The following DNMT1 variants were observed in gnomAD, a reference collection of about 807,000 sequenced individuals.
The protein encoded by DNMT1 is DNA (cytosine-5)-methyltransferase 1.
A neutral mutation model predicts 205.3 loss-of-function variants in DNMT1; 24 were observed. The observed-to-expected ratio is 0.12, with a 90% CI of 0.08 to 0.16. The LOEUF is 0.16. Among genes scored for constraint, DNMT1 ranks in the 10% least tolerant of loss-of-function variants. The probability of loss-of-function intolerance (pLI) is 1.00; values close to 1 mark genes in which losing one functional copy is unlikely to be tolerated. For synonymous variants in DNMT1, 817 were observed against 839.8 expected (o/e 0.97, Z 0.47); for missense variants, 1,293 against 2,177.7 (o/e 0.59, Z 8.09).
intron 37 of DNMT1, among the ~76,000 whole-genome samples, chr19:10,136,587 C>T (rs1211377130): frequency 6.6e-6 from 1 of 151,988 alleles, no homozygotes; most frequent in Non-Finnish European, 1.5e-5. Flanking sequence ...AGGCGTGCGA[C>T]ACCACGCCCG....
intron 1 of DNMT1, among the ~76,000 whole-genome samples, chr19:10,184,791 G>A (rs1259935875): frequency 2.0e-5 from 3 of 152,228 alleles, no homozygotes; most frequent in Non-Finnish European, 4.4e-5. Flanking sequence ...TTGGTGGAGA[G>A]AAGGTGCCCC....
In DNMT1 at chr19:10,151,985, C is replaced by T. The variant is rs1355476570; in HGVS notation, c.2020-138G>A. 1.3e-5 allele frequency: 10 copies of T among 757,940 alleles called. No individual in the cohort carries two copies. The highest frequency in any genetic ancestry group is 7.1e-5 in the South Asian group (5 of 70,092). 47.0% of individuals were successfully genotyped at this position (757,940 alleles called of 1,614,324 possible). A position where few individuals can be genotyped will look rare whatever the true frequency, so the allele number is the denominator to read the frequency against. On this transcript the variant is annotated intron_variant, in intron 22 of 40. Transcript: ENST00000359526. This position sits in a 1 kb window ranked among gnomAD's most constrained non-coding sequence, Gnocchi z 5.0. ...GACCAGCCTGGCCAACGTGGTGAAACCCCATCTCTACTAAAAATACAAAGA... is the reference window on the plus strand; with the variant it reads ...GACCAGCCTGGCCAACGTGGTGAAATCCCATCTCTACTAAAAATACAAAGA...
Position 10,140,113 on chromosome 19 carries a change from C to T in DNMT1, c.3739G>A (p.Gly1247Ser). Residue 1247 changes from glycine (G) to serine (S), a missense_variant, in exon 33 of 41, where the codon GGC (glycine) becomes AGC (serine). Around this residue, in one of 13 missense-constraint regions of DNMT1, gnomAD observed 38 missense variants for 141.1 expected, o/e 0.27. Transcript: ENST00000359526. This position sits in a 1 kb window ranked among gnomAD's most constrained non-coding sequence, Gnocchi z 8.4. Reference sequence around the variant, plus strand: ...GTGCGCGAATTGAAGCGGTTCATGCCGCTGAAGCCCTGGCAGGGCGGCCCG... The same window carrying T: ...GTGCGCGAATTGAAGCGGTTCATGCTGCTGAAGCCCTGGCAGGGCGGCCCG... ...CGGPPCQGFS[G>S]MNRFNSRTYS... The T allele has an allele frequency of 6.2e-7, 1 of 1,613,970 alleles. No homozygotes were observed. The highest frequency in any genetic ancestry group is 8.5e-7 in the Non-Finnish European group (1 of 1,180,036).
In DNMT1 at chr19:10,168,212, A is replaced by C. The variant is rs1045023159; in HGVS notation, c.803+118T>G. 79 of 1,172,018 alleles carry C rather than the reference A, an allele frequency of 6.7e-5. 1 individual carries two copies. The Admixed American group carries it at 1.4e-3, about 21-fold the overall frequency. 72.6% of individuals were successfully genotyped at this position (1,172,018 alleles called of 1,614,324 possible). On this transcript the variant is annotated intron_variant, in intron 10 of 40. Transcript: ENST00000359526. ...CACCTTTCACAAGCAGAACTTGCCC[A>C]CATAAGAGACATATGATTAGTGCCC...
chr19:10,189,963 T>C (rs2039268340), intron 1 of DNMT1, among the ~76,000 whole-genome samples: 1 of 151,948 alleles, frequency 6.6e-6, no homozygotes, highest in Non-Finnish European at 1.5e-5. Flanking sequence ...TTTTTATAGA[T>C]GAAACACCAA....
intron 9 of DNMT1, among the ~76,000 whole-genome samples, chr19:10,169,664 G>A (rs765804366): frequency 2.0e-5 from 3 of 152,164 alleles, no homozygotes; most frequent in Non-Finnish European, 4.4e-5. Context: ...TACTCGGGAG[G>A]CTGAGGCAGG....
Position 10,163,307 on chromosome 19 carries a change from A to G in DNMT1, c.926+19T>C. 1 of 1,613,754 alleles carries G rather than the reference A, an allele frequency of 6.2e-7. No homozygotes were observed. The highest frequency in any genetic ancestry group is 1.1e-5 in the South Asian group (1 of 91,080). On this transcript the variant is annotated intron_variant, in intron 12 of 40. Coordinates refer to ENST00000359526, the MANE Select transcript of DNMT1 (RefSeq NM_001130823.3). ...ACTGATCCAGATGACACAAAAGCAC[A>G]AGCATTTTAAACACTTACAGATCTT...
rs1388371493 is a variant in DNMT1, at chr19:10,135,810, G to T, written c.4699C>A (p.Arg1567=). The change falls in exon 39 of 41, where the codon CGG becomes AGG. Residue 1567 remains arginine (R), a synonymous_variant. Coordinates refer to ENST00000359526, the MANE Select transcript of DNMT1 (RefSeq NM_001130823.3). ...AAGCCCTGGGAGCGGGCACACTCCC[G>T]CACGCTCACCACACGGTGCTGCTCT... ...HPEQHRVVSV[R]ECARSQGFPD... 6.3e-7 allele frequency: 1 copy of T among 1,575,946 alleles called. No individual in the cohort carries two copies. Among genetic ancestry groups the T allele is most frequent in the Non-Finnish European group, 8.6e-7 (1 of 1,162,758 alleles).
chr19:10,145,345 G>A (rs908622297), intron 28 of DNMT1, among the ~76,000 whole-genome samples: 6 of 152,294 alleles, frequency 3.9e-5, no homozygotes, highest in Admixed American at 6.5e-5. Flanking sequence ...AGGGGGTAAC[G>A]CGCCCCAACT....
At chr19:10,135,361 C>T (rs904939761) in intron 39 of DNMT1, 9 of 339,716 alleles carry the variant, frequency 2.6e-5, no homozygotes, top group African/African-American at 1.9e-4. Context: ...CTGAGACTAA[C>T]TCATAGACTA....
chr19:10,140,699 C>G lies in DNMT1; in HGVS notation c.3523+82G>C. 6.2e-7 allele frequency: 1 copy of G among 1,610,102 alleles called. No individual in the cohort carries two copies. Among genetic ancestry groups the G allele is most frequent in the Non-Finnish European group, 8.5e-7 (1 of 1,177,302 alleles). On this transcript the variant is annotated intron_variant, in intron 32 of 40. Coordinates refer to ENST00000359526, the MANE Select transcript of DNMT1 (RefSeq NM_001130823.3). The surrounding 1 kb of genome is among the most constrained non-coding windows in gnomAD (Gnocchi z 8.4). ...GGAGATTCTTGAGTCAGGAAGGTGA[C>G]CGGGGTTGGAAGTCGTTTCAGGTAG...
intron 11 of DNMT1, among the ~76,000 whole-genome samples, chr19:10,164,433 G>A (rs967037226): frequency 7.9e-5 from 12 of 152,098 alleles, no homozygotes; most frequent in African/African-American, 2.2e-4. Context: ...GTGAGACACC[G>A]CGCCTGGCTT....
In DNMT1 at chr19:10,137,683, G is replaced by C. The variant is rs2089516457; in HGVS notation, c.4293+149C>G. 5 of 1,127,142 alleles carry C rather than the reference G, an allele frequency of 4.4e-6. No homozygotes were observed. Among genetic ancestry groups the C allele is most frequent in the Non-Finnish European group, 6.5e-6 (5 of 775,072 alleles). 69.8% of individuals were successfully genotyped at this position (1,127,142 alleles called of 1,614,324 possible). A position where few individuals can be genotyped will look rare whatever the true frequency, so the allele number is the denominator to read the frequency against. On this transcript the variant is annotated intron_variant, in intron 36 of 40. Transcript: ENST00000359526. This position sits in a 1 kb window ranked among gnomAD's most constrained non-coding sequence, Gnocchi z 6.4. ...ACACTTCCCATGACCATGCAAGAGA[G>C]ACCAGGGGTCACACAAAGGCTGAGG...
chr19:10,143,821 T>C lies in DNMT1; in HGVS notation c.3061A>G (p.Ser1021Gly). The C allele has an allele frequency of 6.2e-7, 1 of 1,614,180 alleles. No individual in the cohort carries two copies. The highest frequency in any genetic ancestry group is 8.5e-7 in the Non-Finnish European group (1 of 1,180,024). Residue 1021 changes from serine to glycine, a missense_variant, in exon 29 of 41, where the codon AGC becomes GGC. Transcript: ENST00000359526. ...RIKEIFCPKK[S>G]NGRPNETDIK... ...TCAGTCTCATTGGGCCTGCCGTTGCTCTTCTTGGGACAGAAGATCTCTTTG... is the reference window on the plus strand; with the variant it reads ...TCAGTCTCATTGGGCCTGCCGTTGCCCTTCTTGGGACAGAAGATCTCTTTG...
rs142923913 is a variant in DNMT1 at position 10,177,270 on chromosome 19, C to T, written c.569+22G>A. 505 of 1,612,952 alleles carry T rather than the reference C, an allele frequency of 3.1e-4. 1 individual carries two copies. The highest frequency in any genetic ancestry group is 2.9e-3 in the African/African-American group (219 of 74,982). On this transcript the variant is annotated intron_variant, in intron 6 of 40. Transcript: ENST00000359526. ...ACAGCCGGCCCCTAAAAAAGGCAGC[C>T]GCCAATTTATCGTATACTGACCCCT...
intron 9 of DNMT1, 97 bp from the exon 10 acceptor site, chr19:10,168,461 T>A: frequency 7.9e-7 from 1 of 1,259,844 alleles, no homozygotes; most frequent in Non-Finnish European, 1.2e-6. Context: ...GAACTGATTC[T>A]AGAGTCCACT....
chr19:10,145,416 G>A (rs906828599), intron 28 of DNMT1, among the ~76,000 whole-genome samples: 1 of 152,232 alleles, frequency 6.6e-6, no homozygotes, highest in African/African-American at 2.4e-5. Flanking sequence ...ACTGAACTAA[G>A]GCAAGGGAGC....
At chr19:10,183,045 GTGTATACATACGTATATA>G (rs2039104929) in intron 1 of DNMT1, among the ~76,000 whole-genome samples, 1 of 149,134 alleles carries the variant, frequency 6.7e-6, no homozygotes, top group African/African-American at 2.5e-5. Flanking sequence ...ACGTATATAT[GTGTATACATACGTATATA>G]TGTATACATA....
In DNMT1 at chr19:10,183,621, TTGGGTGGATTACCTGAGGGCCAAGG is replaced by T. The variant is rs975175579; in HGVS notation, c.81-1569_81-1545del. ...CTGGAATCCCAACATACAGCAGCAG[TTGGGTGGATTACCTGAGGGCCAAGG>T]TGGGTGGATTACCTGAGGTCAAGGG... On this transcript the variant is annotated intron_variant, in intron 1 of 40. Coordinates refer to ENST00000359526, the MANE Select transcript of DNMT1 (RefSeq NM_001130823.3). Among the ~76,000 whole-genome samples, 230 of 152,140 alleles carry T rather than the reference TTGGGTGGATTACCTGAGGGCCAAGG, an allele frequency of 1.5e-3. 2 individuals carry two copies. The highest frequency in any genetic ancestry group is 5.3e-3 in the African/African-American group (220 of 41,524).
Sources: gnomAD v4.1 joint callset for allele counts (sites outside exome capture counted in the v4.1 genomes callset) on GRCh38, gnomAD v4.1.1 for gene constraint, gnomAD v4.1.1 regional missense constraint, Gnocchi (gnomAD v3.1) non-coding constraint, MANE v1.5 for transcripts, NCBI Gene and HGNC (gene_info 2026-07-23, HGNC 2026-07-21) for gene names.